The following DOCK8 variants were observed in gnomAD, a reference collection of about 807,000 sequenced individuals.
DOCK8 encodes dedicator of cytokinesis protein 8.
Under a neutral mutation model 245.6 loss-of-function variants are expected in DOCK8, and 141 were observed. The observed-to-expected ratio is 0.57, with a 90% CI of 0.50 to 0.66. The LOEUF is 0.66. Among genes scored for constraint, DOCK8 ranks in the 30% least tolerant of loss-of-function variants. The probability of loss-of-function intolerance (pLI) is 0.00; values close to 1 mark genes in which losing one functional copy is unlikely to be tolerated. For missense variants in DOCK8, 2,965 were observed against 2,603.4 expected, an observed-to-expected ratio of 1.14 and a Z score of -3.02; for synonymous variants, 1,168 against 970.2, an observed-to-expected ratio of 1.20 and a Z score of -3.79.
At chr9:462,822 G>GT (rs1439319343) in intron 46 of DOCK8, among the ~76,000 whole-genome samples, 1 of 152,222 alleles carries the variant, frequency 6.6e-6, no homozygotes, top group Non-Finnish European at 1.5e-5. Flanking sequence ...ATCACAGTGA[G>GT]TTTTTTGTAA....
intron 23 of DOCK8, among the ~76,000 whole-genome samples, chr9:388,247 G>T (rs752135007): frequency 6.6e-6 from 1 of 152,102 alleles, no homozygotes; most frequent in Non-Finnish European, 1.5e-5. Flanking sequence ...TCAACCCCAC[G>T]CCTCTCTCAA....
At chr9:403,892 CTATATATA>C (rs768500884) in intron 26 of DOCK8, among the ~76,000 whole-genome samples, 3 of 73,784 alleles carry the variant, frequency 4.1e-5, no homozygotes, top group East Asian at 1.0e-3. Flanking sequence ...CTCTCTCTCT[CTATATATA>C]TATATATATA....
intron 6 of DOCK8, chr9:312,509 G>A (rs751105593): frequency 6.6e-6 from 3 of 457,760 alleles, no homozygotes; most frequent in African/African-American, 6.0e-5. Context: ...TTGAGGGGAT[G>A]TGTGGTCACT....
intron 1 of DOCK8, among the ~76,000 whole-genome samples, chr9:260,950 A>G (rs2047903644): frequency 1.3e-5 from 2 of 152,196 alleles, no homozygotes; most frequent in Admixed American, 6.5e-5. Context: ...GAAAGAATGT[A>G]TACATGTATT....
chr9:400,012 A>ACC (rs1564011425), intron 26 of DOCK8, among the ~76,000 whole-genome samples: 15 of 94,092 alleles, frequency 1.6e-4, no homozygotes, highest in African/African-American at 6.1e-4. Flanking sequence ...CACCTCCACC[A>ACC]TCACCACCAC....
chr9:379,915 A>C lies in DOCK8; in HGVS notation c.2585A>C (p.Gln862Pro). Residue 862 changes from glutamine to proline, a missense_variant, in exon 21 of 48, where the codon CAA becomes CCA. This residue lies in a region of DOCK8 where 2,825 missense variants were observed against 2,453.5 expected (regional missense o/e 1.15). Coordinates refer to ENST00000432829, the MANE Select transcript of DOCK8 (RefSeq NM_203447.4). ...VHYVFRLPEVQRDVPKSGAPT... is the reference protein window; with the variant it reads ...VHYVFRLPEVPRDVPKSGAPT... ...TACGTCTTCCGCCTGCCAGAGGTGC[A>C]AAGGGATGTGCCCAAGTCAGGTAGA... 1 of 1,614,060 alleles carries C rather than the reference A, an allele frequency of 6.2e-7. No individual in the cohort carries two copies. Among genetic ancestry groups the C allele is most frequent in the Non-Finnish European group, 8.5e-7 (1 of 1,180,016 alleles).
intron 1 of DOCK8, among the ~76,000 whole-genome samples, chr9:224,499 T>C (rs897761219): frequency 6.6e-6 from 1 of 152,204 alleles, no homozygotes; most frequent in African/African-American, 2.4e-5. Context: ...ATGGTCAAGC[T>C]TGACTCTCTC....
rs1383141791 is a variant in DOCK8 at position 286,601 on chromosome 9, A to C, written c.297A>C (p.Glu99Asp). 6.2e-7 allele frequency: 1 copy of C among 1,614,010 alleles called. No homozygotes were observed. The highest frequency in any genetic ancestry group is 8.5e-7 in the Non-Finnish European group (1 of 1,179,916). The change falls in exon 3 of 48, where the codon GAA becomes GAC. Residue 99 changes from glutamate to aspartate, a missense_variant. Glu to Asp is a conservative substitution (Grantham distance 45). Around this residue, in one of 3 missense-constraint regions of DOCK8, gnomAD observed 2,825 missense variants for 2,453.5 expected, o/e 1.15. Transcript: ENST00000432829. ...TGGACGTGGTGTTCACGCCAAAGGA[A>C]TGTAGGACTTTGCAGCCCTCTTTGC... Reference protein sequence around the residue: ...DDLDVVFTPKECRTLQPSLPE... With the variant: ...DDLDVVFTPKDCRTLQPSLPE...
At chr9:387,260 A>T (rs533841776) in intron 23 of DOCK8, among the ~76,000 whole-genome samples, 2 of 152,246 alleles carry the variant, frequency 1.3e-5, no homozygotes, top group South Asian at 2.1e-4. Flanking sequence ...CCTGGCCAAC[A>T]TGGTGAAACC....
intron 35 of DOCK8, among the ~76,000 whole-genome samples, chr9:429,414 G>A (rs2056625894): frequency 6.6e-6 from 1 of 152,130 alleles, no homozygotes; most frequent in East Asian, 1.9e-4. Context: ...AGAAACTCAG[G>A]TTTCCTTCCA....
intron 14 of DOCK8, among the ~76,000 whole-genome samples, chr9:354,214 C>G (rs2052316299): frequency 6.6e-6 from 1 of 152,106 alleles, no homozygotes; most frequent in South Asian, 2.1e-4. Flanking sequence ...CGCCTGTAGT[C>G]CCAGCTACTC....
chr9:325,393 A>G (rs1376432305), intron 7 of DOCK8, among the ~76,000 whole-genome samples: 1 of 152,140 alleles, frequency 6.6e-6, no homozygotes, highest in East Asian at 1.9e-4. Flanking sequence ...CATTCAGCCC[A>G]CTCTCTCTTG....
chr9:384,266 C>G (rs1313884075), intron 22 of DOCK8, among the ~76,000 whole-genome samples: 1 of 152,194 alleles, frequency 6.6e-6, no homozygotes, highest in Non-Finnish European at 1.5e-5. Flanking sequence ...ATCCAACAGT[C>G]TTTAATCTAC....
Position 316,913 on chromosome 9 carries a change from AGT to A in DOCK8, c.742-127_742-126del, listed in dbSNP as rs575431859. The A allele has an allele frequency of 1.2e-3, 911 of 735,924 alleles. 8 individuals carry two copies. The highest frequency in any genetic ancestry group is 3.7e-3 in the South Asian group (247 of 66,666). The allele number at this position is 735,924 out of a possible 1,614,324, so 45.6% of individuals were successfully genotyped here. On this transcript the variant is annotated intron_variant, in intron 6 of 47. Transcript: ENST00000432829. ...AGAGAAACTTTCTTATAAAAGGCAGAGTGTTAGAAAAAAAGCAAATCTAAGTT... is the reference window on the plus strand; with the variant it reads ...AGAGAAACTTTCTTATAAAAGGCAGAGTTAGAAAAAAAGCAAATCTAAGTT...
At chr9:356,196 C>G (rs557081996) in intron 14 of DOCK8, among the ~76,000 whole-genome samples, 50 of 152,282 alleles carry the variant, frequency 3.3e-4, no homozygotes, top group African/African-American at 1.1e-3. Flanking sequence ...TCCAGTGGAC[C>G]TTTTGACTGT....
intron 1 of DOCK8, among the ~76,000 whole-genome samples, chr9:251,218 T>C (rs1399398163): frequency 1.3e-5 from 2 of 152,224 alleles, no homozygotes; most frequent in African/African-American, 4.8e-5. Context: ...GGCTTCACTT[T>C]TATTGTGCTT....
Position 463,644 on chromosome 9 carries a change from C to G in DOCK8, c.6196C>G (p.Pro2066Ala), listed in dbSNP as rs749662746. 2.5e-6 allele frequency: 4 copies of G among 1,613,736 alleles called. No individual in the cohort carries two copies. The highest frequency in any genetic ancestry group is 2.2e-5 in the South Asian group (2 of 91,080). ...CAGGCCAATGATCGAGCGGAAAATT[C>G]CAGAACTGTACAAGCCAATATTCAG... is the stretch of plus-strand genomic sequence containing the variant. ...NLRPMIERKI[P>A]ELYKPIFRVE... Residue 2066 changes from proline (P) to alanine (A), a missense_variant, in exon 47 of 48, where the codon CCA becomes GCA. Pro to Ala is a conservative substitution (Grantham distance 27). Around this residue, in one of 3 missense-constraint regions of DOCK8, gnomAD observed 134 missense variants for 128.1 expected, o/e 1.05. Coordinates refer to ENST00000432829, the MANE Select transcript of DOCK8 (RefSeq NM_203447.4).
chr9:298,234 G>A (rs1218484804), intron 4 of DOCK8, among the ~76,000 whole-genome samples: 1 of 152,142 alleles, frequency 6.6e-6, no homozygotes, highest in Non-Finnish European at 1.5e-5. Flanking sequence ...AGACCAGCCT[G>A]GCCAACACGG....
At chr9:342,058 A>G (rs527480053) in intron 14 of DOCK8, among the ~76,000 whole-genome samples, 3 of 152,208 alleles carry the variant, frequency 2.0e-5, no homozygotes, top group Non-Finnish European at 1.5e-5. Context: ...ATTGTGAGTT[A>G]TATAATTATT....
Sources: allele counts gnomAD v4.1 joint callset (sites outside exome capture counted in the v4.1 genomes callset), GRCh38; gene constraint gnomAD v4.1.1; regional missense constraint gnomAD v4.1.1; transcripts MANE v1.5; gene names NCBI Gene and HGNC (gene_info 2026-07-23, HGNC 2026-07-21).